Variants in KDM2B observed in about 807,000 individuals in gnomAD.
KDM2B encodes the protein lysine-specific demethylase 2B.
A neutral mutation model predicts 150.0 loss-of-function variants in KDM2B; 26 were observed. That is an observed-to-expected ratio of 0.17 (90% CI 0.13 to 0.24). KDM2B has a LOEUF of 0.24. Ranked by LOEUF, KDM2B falls within the 10% of genes least tolerant of loss-of-function variation. The pLI, the probability that KDM2B is intolerant of heterozygous loss-of-function variation, is 1.00. For missense variants in KDM2B, 1,265 were observed against 1,816.9 expected, an observed-to-expected ratio of 0.70 and a Z score of 5.52; for synonymous variants, 734 against 729.5, an observed-to-expected ratio of 1.01 and a Z score of -0.10.
In KDM2B at chr12:121,537,771, C is replaced by T. The variant is rs553914666; in HGVS notation, c.684-3181G>A. 6.6e-6 allele frequency among the ~76,000 whole-genome samples: 1 copy of T among 152,168 alleles called. No individual in the cohort carries two copies. Among genetic ancestry groups the T allele is most frequent in the African/African-American group, 2.4e-5 (1 of 41,554 alleles). ...CGCGGGAGGTGCCAAGAGCGCGCCG[C>T]ACACTCGCACCCGACCCCGGGAGAC... On this transcript the variant is annotated intron_variant, in intron 6 of 22. Coordinates refer to ENST00000377071, the MANE Select transcript of KDM2B (RefSeq NM_032590.5). This position sits in a 1 kb window ranked among gnomAD's most constrained non-coding sequence, Gnocchi z 8.7.
chr12:121,516,864 CTGGAAAAAAAAAAAAAAAAATCAA>C, intron 9 of KDM2B: 1 of 516,288 alleles, frequency 1.9e-6, no homozygotes. Context: ...TGTTTTTCTC[CTGGAAAAAAAAAAAAAAAAATCAA>C]TGGAAAAAAA....
In KDM2B at chr12:121,513,245, C is replaced by T. The variant is rs1885744482; in HGVS notation, c.1174+31G>A. The T allele has an allele frequency of 1.2e-6, 2 of 1,607,194 alleles. No homozygotes were observed. Among genetic ancestry groups the T allele is most frequent in the Admixed American group, 3.3e-5 (2 of 59,892 alleles). ...ATGATTTCTGCCCCAGCTGTGCAGC[C>T]GAGGCCGTGGGCTCCCTCCGGTTCA... On this transcript the variant is annotated intron_variant, in intron 10 of 22. Transcript: ENST00000377071. The surrounding 1 kb of genome is among the most constrained non-coding windows in gnomAD (Gnocchi z 5.0).
intron 6 of KDM2B, among the ~76,000 whole-genome samples, chr12:121,548,393 G>A (rs1889231603): frequency 6.6e-6 from 1 of 152,230 alleles, no homozygotes; most frequent in Admixed American, 6.5e-5. Flanking sequence ...GTTTGGGAAA[G>A]GTTATTTTGG....
At chr12:121,509,111 T>G (rs782187519) in intron 11 of KDM2B, among the ~76,000 whole-genome samples, 8 of 151,984 alleles carry the variant, frequency 5.3e-5, no homozygotes, top group Non-Finnish European at 8.8e-5. Context: ...CAGGCTGGAG[T>G]GCAGTGGTGC....
intron 12 of KDM2B, among the ~76,000 whole-genome samples, chr12:121,459,454 T>TG (rs201278497): frequency 0.042 from 6,463 of 152,326 alleles, 197 homozygotes; most frequent in Middle Eastern, 0.1. Flanking sequence ...TAAATCTTTA[T>TG]GACTTTGAAT....
intron 6 of KDM2B, among the ~76,000 whole-genome samples, chr12:121,536,887 C>G (rs1012918620): frequency 5.3e-5 from 8 of 152,164 alleles, no homozygotes; most frequent in Admixed American, 2.6e-4. Flanking sequence ...AACCAGGTCA[C>G]CCCCATCCTG....
At chr12:121,562,098 C>T (rs998452238) in intron 4 of KDM2B, among the ~76,000 whole-genome samples, 18 of 145,722 alleles carry the variant, frequency 1.2e-4, no homozygotes, top group Non-Finnish European at 2.5e-4. Context: ...TGAACCTGGG[C>T]GGCAGAGGTT....
At chr12:121,577,199 G>C (rs1197147765) in intron 2 of KDM2B, among the ~76,000 whole-genome samples, 1 of 151,968 alleles carries the variant, frequency 6.6e-6, no homozygotes, top group Non-Finnish European at 1.5e-5. Flanking sequence ...CTGGAATACC[G>C]GCCCTCTAGA....
chr12:121,496,427 C>T (rs1025675550), intron 11 of KDM2B, among the ~76,000 whole-genome samples: 29 of 151,786 alleles, frequency 1.9e-4, no homozygotes, highest in Non-Finnish European at 2.2e-4. Flanking sequence ...TATTTTAATT[C>T]ACCTTTCCTA....
At chr12:121,534,689 A>C in intron 6 of KDM2B, 99 bp from the exon 7 acceptor site, 3 of 815,604 alleles carry the variant, frequency 3.7e-6, no homozygotes, top group South Asian at 1.6e-5. Context: ...CCCTTTTATA[A>C]ACGCTGACGC....
downstream of KDM2B, among the ~76,000 whole-genome samples, chr12:121,425,870 C>A (rs1471389527): frequency 1.3e-5 from 2 of 151,778 alleles, no homozygotes; most frequent in African/African-American, 4.8e-5. Flanking sequence ...GGGTTCATGC[C>A]ATTCTCCTGC....
intron 12 of KDM2B, among the ~76,000 whole-genome samples, chr12:121,465,906 A>C (rs1480655253): frequency 6.6e-6 from 1 of 152,210 alleles, no homozygotes; most frequent in Non-Finnish European, 1.5e-5. Flanking sequence ...ACGTAGGGCT[A>C]CTGACTTAAT....
At chr12:121,523,012 A>C (rs1321683748) in intron 8 of KDM2B, among the ~76,000 whole-genome samples, 1 of 152,250 alleles carries the variant, frequency 6.6e-6, no homozygotes, top group African/African-American at 2.4e-5. Flanking sequence ...CCATACTGCA[A>C]GTGCTCAGGT....
chr12:121,458,122 C>A (rs1229134365), intron 12 of KDM2B, among the ~76,000 whole-genome samples: 1 of 152,190 alleles, frequency 6.6e-6, no homozygotes, highest in African/African-American at 2.4e-5. Flanking sequence ...GTGGCTCACC[C>A]CTATAATCTC....
chr12:121,524,685 G>A (rs1006936261), intron 8 of KDM2B: 16 of 453,930 alleles, frequency 3.5e-5, no homozygotes, highest in East Asian at 7.0e-5. Context: ...CCCCTCCTCC[G>A]ATGGCCTCTC....
At chr12:121,497,122 C>G (rs1435645465) in intron 11 of KDM2B, among the ~76,000 whole-genome samples, 1 of 151,932 alleles carries the variant, frequency 6.6e-6, no homozygotes, top group Non-Finnish European at 1.5e-5. Context: ...AATGTTGGCT[C>G]TAGAACTGGC....
chr12:121,473,980 A>C (rs58927387), intron 12 of KDM2B, among the ~76,000 whole-genome samples: 1 of 152,170 alleles, frequency 6.6e-6, no homozygotes, highest in Non-Finnish European at 1.5e-5. Context: ...AACCAGACAC[A>C]AAAGTCCACA....
chr12:121,433,015 T>TA, intron 22 of KDM2B: 1 of 405,632 alleles, frequency 2.5e-6, no homozygotes, highest in South Asian at 1.8e-5. Context: ...TCCTGGCAGT[T>TA]ACCTGTCGGT....
chr12:121,513,720 GA>G lies in KDM2B; in HGVS notation c.1048-319del, dbSNP rs553074278. 9.3e-4 allele frequency among the ~76,000 whole-genome samples: 141 copies of G among 152,268 alleles called. No individual in the cohort carries two copies. Among genetic ancestry groups the G allele is most frequent in the African/African-American group, 3.3e-3 (137 of 41,546 alleles). On this transcript the variant is annotated intron_variant, in intron 9 of 22. Coordinates refer to ENST00000377071, the MANE Select transcript of KDM2B (RefSeq NM_032590.5). The surrounding 1 kb of genome is among the most constrained non-coding windows in gnomAD (Gnocchi z 5.0). ...AGAATTCTCCCCTGACCTGCCTGCA[GA>G]GAGTGTGGGCACCTGCAGGTGGGAG...
Sources: allele counts gnomAD v4.1 joint callset (sites outside exome capture counted in the v4.1 genomes callset), GRCh38; gene constraint gnomAD v4.1.1; non-coding constraint Gnocchi (gnomAD v3.1); transcripts MANE v1.5; gene names NCBI Gene and HGNC (gene_info 2026-07-23, HGNC 2026-07-21).